VOPP1: variants seen among roughly 807,000 people sequenced by gnomAD.
VOPP1 encodes the protein WW domain binding protein VOPP1.
A neutral mutation model predicts 23.5 loss-of-function variants in VOPP1; 8 were observed. The ratio of observed to expected loss-of-function variants is 0.34; its 90% CI spans 0.20 to 0.61. The LOEUF (loss-of-function observed/expected upper bound fraction) is 0.61, where lower values mean the gene tolerates loss of function less well. Among genes scored for constraint, VOPP1 ranks in the 20% least tolerant of loss-of-function variants. The pLI is 0.78. For synonymous variants in VOPP1, 83 were observed against 97.3 expected (o/e 0.85, Z 0.86); for missense variants, 174 against 238.1 (o/e 0.73, Z 1.77).
intron 1 of VOPP1, among the ~76,000 whole-genome samples, chr7:55,536,581 G>C (rs907070450): frequency 1.3e-5 from 2 of 152,110 alleles, no homozygotes; most frequent in South Asian, 2.1e-4. Context: ...GAGAACTTAG[G>C]AGCACAATAT....
chr7:55,560,271 A>T (rs967254050), intron 1 of VOPP1, among the ~76,000 whole-genome samples: 1 of 152,196 alleles, frequency 6.6e-6, no homozygotes, highest in Non-Finnish European at 1.5e-5. Context: ...CCTGCCCACA[A>T]AGATGTCATC....
At chr7:55,555,553 G>C (rs1240246143) in intron 1 of VOPP1, among the ~76,000 whole-genome samples, 1 of 152,208 alleles carries the variant, frequency 6.6e-6, no homozygotes, top group Admixed American at 6.5e-5. Context: ...TTAGGTGCCA[G>C]ATAAGATCCA....
intron 2 of VOPP1, among the ~76,000 whole-genome samples, chr7:55,502,045 A>T (rs779413185): frequency 1.3e-5 from 2 of 152,242 alleles, no homozygotes; most frequent in South Asian, 4.1e-4. Context: ...AAATTTAGTG[A>T]CTGAATCATT....
chr7:55,474,687 A>G (rs557164768), intron 4 of VOPP1, among the ~76,000 whole-genome samples: 73 of 152,350 alleles, frequency 4.8e-4, no homozygotes, highest in Non-Finnish European at 9.0e-4. Context: ...GGGCAGATGA[A>G]AAAGTCCCTG....
At chr7:55,489,647 A>C (rs999559894) in intron 4 of VOPP1, among the ~76,000 whole-genome samples, 2 of 152,112 alleles carry the variant, frequency 1.3e-5, no homozygotes, top group Non-Finnish European at 2.9e-5. Flanking sequence ...GGTGTGCAGT[A>C]AATATGGGCC....
chr7:55,513,383 C>A (rs953514820), intron 2 of VOPP1, among the ~76,000 whole-genome samples: 9 of 152,202 alleles, frequency 5.9e-5, no homozygotes, highest in African/African-American at 2.2e-4. Flanking sequence ...TGACAACATG[C>A]AGCCATCCAT....
At chr7:55,447,679 A>G (rs1791137007) in intron 4 of VOPP1, among the ~76,000 whole-genome samples, 1 of 152,232 alleles carries the variant, frequency 6.6e-6, no homozygotes, top group Admixed American at 6.5e-5. Context: ...ACGTGTACAT[A>G]TACATATGTA....
chr7:55,566,725 C>T (rs1798175236), intron 1 of VOPP1, among the ~76,000 whole-genome samples: 1 of 152,218 alleles, frequency 6.6e-6, no homozygotes, highest in Non-Finnish European at 1.5e-5. Context: ...GGATTAATGG[C>T]TAAGTGGCCT....
rs1261035362 is a variant in VOPP1 at position 55,446,181 on chromosome 7, G to A, written n.418-10007C>T. 2.0e-5 allele frequency among the ~76,000 whole-genome samples: 3 copies of A among 152,082 alleles called. No homozygotes were observed. The East Asian group carries it at 5.8e-4, about 29-fold the overall frequency. Reference sequence around the variant, plus strand: ...ATAATTTTTTTGTATTTTTAGTAGAGACGGGGTTTCACCATGTTAGCCAGG... The same window carrying A: ...ATAATTTTTTTGTATTTTTAGTAGAAACGGGGTTTCACCATGTTAGCCAGG... On this transcript the variant is annotated intron_variant and non_coding_transcript_variant, in intron 4 of 4. Transcript: ENST00000462326.
intron 4 of VOPP1, among the ~76,000 whole-genome samples, chr7:55,476,650 G>T (rs1323876156): frequency 6.6e-6 from 1 of 152,120 alleles, no homozygotes; most frequent in African/African-American, 2.4e-5. Context: ...CCAAACTCAG[G>T]GCACGTGGGT....
At chr7:55,551,755 G>C (rs1050961997) in intron 1 of VOPP1, among the ~76,000 whole-genome samples, 1 of 152,148 alleles carries the variant, frequency 6.6e-6, no homozygotes, top group African/African-American at 2.4e-5. Flanking sequence ...AATACATGTT[G>C]AAGGCTGGGC....
At chr7:55,514,459 T>C (rs1289131623) in intron 2 of VOPP1, among the ~76,000 whole-genome samples, 1 of 152,126 alleles carries the variant, frequency 6.6e-6, no homozygotes, top group African/African-American at 2.4e-5. Context: ...TTAAATATTT[T>C]CCATCCCCAA....
At chr7:55,523,942 T>C (rs1796023339) in intron 1 of VOPP1, among the ~76,000 whole-genome samples, 1 of 152,218 alleles carries the variant, frequency 6.6e-6, no homozygotes, top group Non-Finnish European at 1.5e-5. Context: ...AAGTAGAAAG[T>C]ATTTTTTAAA....
chr7:55,549,922 T>A (rs1242621399), intron 1 of VOPP1, among the ~76,000 whole-genome samples: 1 of 152,044 alleles, frequency 6.6e-6, no homozygotes, highest in African/African-American at 2.4e-5. Context: ...CCCACCCCCA[T>A]CCCCATCATG....
intron 1 of VOPP1, among the ~76,000 whole-genome samples, chr7:55,534,679 C>T (rs749707750): frequency 1.4e-4 from 21 of 152,228 alleles, no homozygotes; most frequent in Non-Finnish European, 2.1e-4. Context: ...CAGCATACAA[C>T]GCCATGCAGG....
At chr7:55,488,645 C>T (rs373664732) in intron 4 of VOPP1, among the ~76,000 whole-genome samples, 2 of 152,158 alleles carry the variant, frequency 1.3e-5, no homozygotes, top group African/African-American at 2.4e-5. Context: ...GAGCGCCATG[C>T]GAGCCCCCCT....
chr7:55,476,115 A>C (rs1286311173), intron 4 of VOPP1, among the ~76,000 whole-genome samples: 2 of 152,102 alleles, frequency 1.3e-5, no homozygotes, highest in Non-Finnish European at 2.9e-5. Context: ...GCCGTCTAAG[A>C]ATTAAAGGCC....
At chr7:55,562,465 T>C (rs1346810141) in intron 1 of VOPP1, among the ~76,000 whole-genome samples, 8 of 152,204 alleles carry the variant, frequency 5.3e-5, no homozygotes, top group Admixed American at 2.0e-4. Flanking sequence ...TAAAGAGAAA[T>C]TGTTCTGACA....
intron 1 of VOPP1, among the ~76,000 whole-genome samples, chr7:55,551,080 A>C (rs1371107992): frequency 1.3e-5 from 2 of 152,136 alleles, no homozygotes; most frequent in Non-Finnish European, 2.9e-5. Flanking sequence ...TGGGTTGGCA[A>C]ATTATCTCCC....
Sources: allele counts gnomAD v4.1 joint callset (sites outside exome capture counted in the v4.1 genomes callset), GRCh38; gene constraint gnomAD v4.1.1; transcripts MANE v1.5; gene names NCBI Gene and HGNC (gene_info 2026-07-23, HGNC 2026-07-21).